The following CACNA2D1 variants were observed in gnomAD, a reference collection of about 807,000 sequenced individuals.
CACNA2D1 encodes the protein calcium voltage-gated channel auxiliary subunit alpha2delta 1, also known as voltage-dependent calcium channel subunit alpha-2/delta-1.
A neutral mutation model predicts 171.5 loss-of-function variants in CACNA2D1; 53 were observed. The observed-to-expected ratio is 0.31, with a 90% CI of 0.25 to 0.39. The LOEUF (loss-of-function observed/expected upper bound fraction) is 0.39, where lower values mean the gene tolerates loss of function less well. Ranked by LOEUF, CACNA2D1 falls within the 10% of genes least tolerant of loss-of-function variation. The pLI, the probability that CACNA2D1 is intolerant of heterozygous loss-of-function variation, is 1.00. For synonymous variants in CACNA2D1, 442 were observed against 443.1 expected, an observed-to-expected ratio of 1.00 and a Z score of 0.03; for missense variants, 903 against 1,299.8, an observed-to-expected ratio of 0.69 and a Z score of 4.69.
chr7:81,996,042 A>G, intron 19 of CACNA2D1, among the ~76,000 whole-genome samples: 1 of 152,220 alleles, frequency 6.6e-6, no homozygotes, highest in South Asian at 2.1e-4. Flanking sequence ...TAAAGGAAGG[A>G]GTAGATAACA....
intron 10 of CACNA2D1, among the ~76,000 whole-genome samples, chr7:82,054,730 A>G (rs963630538): frequency 3.9e-5 from 6 of 152,166 alleles, no homozygotes; most frequent in African/African-American, 1.4e-4. Flanking sequence ...TACATACGGC[A>G]ACAAAGACCC....
chr7:82,014,203 A>G (rs1292066626), intron 13 of CACNA2D1, among the ~76,000 whole-genome samples, 198 bp downstream of exon 13: 1 of 152,172 alleles, frequency 6.6e-6, no homozygotes, highest in Non-Finnish European at 1.5e-5. Context: ...ATAATCAGAT[A>G]TCAGAATTTT....
chr7:82,320,325 A>G (rs1815654384), intron 3 of CACNA2D1, among the ~76,000 whole-genome samples: 1 of 152,188 alleles, frequency 6.6e-6, no homozygotes, highest in African/African-American at 2.4e-5. Flanking sequence ...TCTGTTATTT[A>G]AAAATAAACA....
rs78113766 is a variant in CACNA2D1, at chr7:82,184,454, C to T, written c.295-13845G>A. ...TTTAATGCTGTAAAATATTCAGTAGCTCTTTAGTTTTTATTTTAATTTGAG... is the reference window on the plus strand; with the variant it reads ...TTTAATGCTGTAAAATATTCAGTAGTTCTTTAGTTTTTATTTTAATTTGAG... On this transcript the variant is annotated intron_variant, in intron 3 of 38. Coordinates refer to ENST00000356860, the MANE Select transcript of CACNA2D1 (RefSeq NM_000722.4). Among the ~76,000 whole-genome samples, 950 of 151,904 alleles carry T rather than the reference C, an allele frequency of 6.3e-3. 5 individuals are homozygous for T. Among genetic ancestry groups the T allele is most frequent in the Non-Finnish European group, 9.0e-3 (613 of 67,948 alleles).
intron 3 of CACNA2D1, among the ~76,000 whole-genome samples, chr7:82,269,315 G>A (rs1023156470): frequency 8.6e-5 from 13 of 152,022 alleles, no homozygotes; most frequent in African/African-American, 3.1e-4. Context: ...ACATTTTACA[G>A]ACAAGCCATA....
At chr7:82,372,934 CAGCACT>C (rs1822570163) in intron 1 of CACNA2D1, among the ~76,000 whole-genome samples, 1 of 152,180 alleles carries the variant, frequency 6.6e-6, no homozygotes, top group Non-Finnish European at 1.5e-5. Flanking sequence ...CCTATAATCC[CAGCACT>C]TTGGGAAGCC....
Position 82,322,451 on chromosome 7 carries a change from CAAAAA to C in CACNA2D1, c.294+12679_294+12683del, listed in dbSNP as rs11440104. On this transcript the variant is annotated intron_variant, in intron 3 of 38. Transcript: ENST00000356860. ...GCAAAACTGGAAGATCCTGGCTTTA[CAAAAA>C]AAAAAAAAAAAAAAATTAAAATTAG... is the stretch of plus-strand genomic sequence containing the variant. Among the ~76,000 whole-genome samples, 374 of 103,924 alleles carry C rather than the reference CAAAAA, an allele frequency of 3.6e-3. 1 individual carries two copies. Among genetic ancestry groups the C allele is most frequent in the East Asian group, 7.8e-3 (29 of 3,702 alleles). The allele number at this position is 103,924 out of a possible 152,430, so 68.2% of individuals were successfully genotyped here.
intron 3 of CACNA2D1, among the ~76,000 whole-genome samples, chr7:82,294,009 T>C (rs1023357333): frequency 2.6e-5 from 4 of 152,170 alleles, no homozygotes; most frequent in Non-Finnish European, 4.4e-5. Context: ...TATCTGACAC[T>C]ATCTTCTCTT....
At chr7:82,318,407 T>G (rs537130873) in intron 3 of CACNA2D1, among the ~76,000 whole-genome samples, 1 of 152,300 alleles carries the variant, frequency 6.6e-6, no homozygotes, top group East Asian at 1.9e-4. Flanking sequence ...CTATGTGGCT[T>G]GCAGATACTC....
At chr7:82,174,067 A>AAG (rs1440634698) in intron 3 of CACNA2D1, among the ~76,000 whole-genome samples, 62 of 139,788 alleles carry the variant, frequency 4.4e-4, no homozygotes, top group African/African-American at 1.7e-3. Flanking sequence ...AAAAAAAAAA[A>AAG]AGACACAAAA....
intron 6 of CACNA2D1, among the ~76,000 whole-genome samples, chr7:82,087,505 T>C (rs1280070176): frequency 2.0e-5 from 3 of 149,504 alleles, no homozygotes; most frequent in South Asian, 2.1e-4. Context: ...AACTAGAAAG[T>C]AGGATAAAAC....
Position 81,967,540 on chromosome 7 carries a change from C to T in CACNA2D1, c.2463+56G>A, listed in dbSNP as rs1584219899. ...CTGTATAAGGACCTTATATTTTTTT[C>T]TATTGAATTTTGAAAACATTAAACA... On this transcript the variant is annotated intron_variant, in intron 30 of 38. Coordinates refer to ENST00000356860, the MANE Select transcript of CACNA2D1 (RefSeq NM_000722.4). 4.4e-6 allele frequency: 4 copies of T among 915,586 alleles called. No individual in the cohort carries two copies. In the Admixed American group the frequency reaches 6.1e-5, roughly 14 times the overall value. 56.7% of individuals were successfully genotyped at this position (915,586 alleles called of 1,614,324 possible).
intron 38 of CACNA2D1, among the ~76,000 whole-genome samples, chr7:81,957,402 T>A (rs544347456): frequency 2.0e-5 from 3 of 152,038 alleles, no homozygotes; most frequent in African/African-American, 7.2e-5. Flanking sequence ...ATATGGGTGA[T>A]TTTCTAGAAT....
chr7:82,359,368 AT>A, intron 1 of CACNA2D1, among the ~76,000 whole-genome samples: 1 of 152,096 alleles, frequency 6.6e-6, no homozygotes, highest in Admixed American at 6.6e-5. Flanking sequence ...TATTTTCTTT[AT>A]TTCTATGAAT....
intron 6 of CACNA2D1, among the ~76,000 whole-genome samples, chr7:82,087,000 A>C (rs940605136): frequency 3.9e-5 from 6 of 152,134 alleles, no homozygotes; most frequent in Admixed American, 2.6e-4. Context: ...GCCATTACTA[A>C]GGTAGATTTC....
intron 38 of CACNA2D1, among the ~76,000 whole-genome samples, chr7:81,950,940 ACATTTC>A (rs1792445980): frequency 2.6e-5 from 4 of 152,120 alleles, no homozygotes; most frequent in African/African-American, 9.7e-5. Flanking sequence ...TAAAATAAAT[ACATTTC>A]CATTTCCCAT....
chr7:82,320,615 A>G (rs1466002097), intron 3 of CACNA2D1, among the ~76,000 whole-genome samples: 1 of 139,394 alleles, frequency 7.2e-6, no homozygotes, highest in Non-Finnish European at 1.5e-5. Context: ...GGGTCTTGCT[A>G]TATTGCACAA....
intron 5 of CACNA2D1, among the ~76,000 whole-genome samples, chr7:82,133,319 T>A (rs1208814088): frequency 6.6e-6 from 1 of 152,074 alleles, no homozygotes; most frequent in African/African-American, 2.4e-5. Context: ...CTTTCACAAG[T>A]CAGTGAGCCT....
intron 10 of CACNA2D1, among the ~76,000 whole-genome samples, chr7:82,048,745 C>T (rs1194269950): frequency 2.0e-5 from 3 of 152,146 alleles, no homozygotes; most frequent in Non-Finnish European, 4.4e-5. Context: ...GAACAATTCT[C>T]CTACATCTAT....
Sources: gnomAD v4.1 joint callset for allele counts (sites outside exome capture counted in the v4.1 genomes callset) on GRCh38, gnomAD v4.1.1 for gene constraint, MANE v1.5 for transcripts, NCBI Gene and HGNC (gene_info 2026-07-23, HGNC 2026-07-21) for gene names.